Variants in CHODL observed in about 807,000 individuals in gnomAD.
CHODL encodes chondrolectin.
Under a neutral mutation model 34.5 loss-of-function variants are expected in CHODL, and 29 were observed. That is an observed-to-expected ratio of 0.84 (90% CI 0.63 to 1.15). The LOEUF (loss-of-function observed/expected upper bound fraction) is 1.15. Among genes scored for constraint, CHODL ranks in the 50% most tolerant of loss-of-function variants. CHODL has a pLI of 0.00. For missense variants in CHODL, 332 were observed against 332.5 expected, an observed-to-expected ratio of 1.00 and a Z score of 0.01; for synonymous variants, 125 against 116.1, an observed-to-expected ratio of 1.08 and a Z score of -0.49.
upstream of CHODL, among the ~76,000 whole-genome samples, chr21:18,240,579 ATT>A (rs1486387880): frequency 6.6e-6 from 1 of 152,144 alleles, no homozygotes; most frequent in Non-Finnish European, 1.5e-5. Flanking sequence ...TAGCTTACAC[ATT>A]TTTTGTTTGA....
At chr21:18,091,620 AC>A (rs911765530) in intron 2 of CHODL, among the ~76,000 whole-genome samples, 2 of 152,146 alleles carry the variant, frequency 1.3e-5, no homozygotes, top group African/African-American at 2.4e-5. Context: ...CACCTCAACC[AC>A]AGTGAGGTAG....
At chr21:17,971,122 C>T (rs1600844791) in intron 1 of CHODL, among the ~76,000 whole-genome samples, 1 of 152,142 alleles carries the variant, frequency 6.6e-6, no homozygotes, top group East Asian at 1.9e-4. Context: ...TTTTCTTTAT[C>T]CAGTCTATCA....
chr21:18,247,996 A>T (rs2074163467), intron 1 of CHODL, among the ~76,000 whole-genome samples: 1 of 151,338 alleles, frequency 6.6e-6, no homozygotes, highest in Non-Finnish European at 1.5e-5. Context: ...AAGTGTTTTG[A>T]AGTAATGTGT....
At chr21:18,155,767 T>C (rs2073026875) in intron 2 of CHODL, among the ~76,000 whole-genome samples, 1 of 152,202 alleles carries the variant, frequency 6.6e-6, no homozygotes, top group Non-Finnish European at 1.5e-5. Context: ...GAATGTTGTT[T>C]TGAAAGGGAG....
At chr21:18,238,734 T>C (rs2074053407) in intron 2 of CHODL, among the ~76,000 whole-genome samples, 1 of 152,118 alleles carries the variant, frequency 6.6e-6, no homozygotes, top group African/African-American at 2.4e-5. Flanking sequence ...CACAAGTAAA[T>C]GAGTCTCAGC....
chr21:18,248,366 ATGATGACAG>A (rs1372824516), intron 1 of CHODL, among the ~76,000 whole-genome samples: 3 of 151,546 alleles, frequency 2.0e-5, no homozygotes, highest in African/African-American at 7.3e-5. Flanking sequence ...AAAGCATAAA[ATGATGACAG>A]TGCAGTTTTC....
intron 2 of CHODL, among the ~76,000 whole-genome samples, chr21:18,125,758 T>C (rs988185019): frequency 2.0e-5 from 3 of 151,748 alleles, no homozygotes; most frequent in Non-Finnish European, 4.4e-5. Flanking sequence ...AATTTAAAGA[T>C]TAAAAAAACC....
chr21:18,074,178 A>G (rs929750102), intron 2 of CHODL, among the ~76,000 whole-genome samples: 51 of 152,182 alleles, frequency 3.4e-4, no homozygotes, highest in Non-Finnish European at 4.3e-4. Context: ...TGATTGAGTG[A>G]TGGAAAAGAT....
At position 18,090,026 on chromosome 21, in the gene CHODL, C is replaced by T. The variant is rs75625061; in HGVS notation, c.-45+62055C>T. Among the ~76,000 whole-genome samples the T allele has an allele frequency of 8.1e-3, 1,227 of 152,244 alleles. 22 individuals are homozygous for T. The highest frequency in any genetic ancestry group is 0.028 in the African/African-American group (1,169 of 41,546). On this transcript the variant is annotated intron_variant, in intron 2 of 6. Coordinates refer to the CHODL transcript ENST00000400127. ...TGATGAAAGTACTCAACAACTGATA[C>T]AATAAACAATATTAATTAGTCAGCT...
intron 2 of CHODL, among the ~76,000 whole-genome samples, chr21:18,171,198 G>GTTGTTTTTTTTTTT: frequency 2.7e-5 from 1 of 37,066 alleles, no homozygotes; most frequent in Admixed American, 6.5e-4. Flanking sequence ...GTTTTCTTTA[G>GTTGTTTTTTTTTTT]TTTTTTTTTT....
intron 1 of CHODL, among the ~76,000 whole-genome samples, chr21:18,024,017 A>G (rs2064151398): frequency 2.0e-5 from 3 of 152,176 alleles, no homozygotes; most frequent in Non-Finnish European, 4.4e-5. Context: ...TTTACAATGT[A>G]TTTGTTTACT....
At chr21:18,220,963 T>A (rs1218926040) in intron 2 of CHODL, among the ~76,000 whole-genome samples, 1 of 152,158 alleles carries the variant, frequency 6.6e-6, no homozygotes, top group Non-Finnish European at 1.5e-5. Flanking sequence ...TTTTCAGCCA[T>A]TATTTTGTTA....
At chr21:18,057,156 C>G (rs1393286507) in intron 2 of CHODL, among the ~76,000 whole-genome samples, 1 of 152,038 alleles carries the variant, frequency 6.6e-6, no homozygotes, top group Non-Finnish European at 1.5e-5. Context: ...GATCCTGATT[C>G]CAGCATTCTG....
intron 2 of CHODL, among the ~76,000 whole-genome samples, chr21:18,172,664 G>C (rs1202045274): frequency 6.6e-6 from 1 of 151,992 alleles, no homozygotes; most frequent in Non-Finnish European, 1.5e-5. Context: ...ATTTTTACTA[G>C]TGTTCTTATC....
chr21:18,076,982 T>C (rs1388476428), intron 2 of CHODL, among the ~76,000 whole-genome samples: 1 of 152,164 alleles, frequency 6.6e-6, no homozygotes, highest in East Asian at 1.9e-4. Flanking sequence ...ATTAGGGTTG[T>C]TTGGAACCTT....
intron 2 of CHODL, among the ~76,000 whole-genome samples, chr21:18,205,150 T>G (rs1382668870): frequency 1.3e-5 from 2 of 152,208 alleles, no homozygotes; most frequent in African/African-American, 4.8e-5. Flanking sequence ...AAAGTGGGCC[T>G]CCTTGTGGTG....
At chr21:18,052,079 A>G (rs532327049) in intron 2 of CHODL, among the ~76,000 whole-genome samples, 2 of 151,996 alleles carry the variant, frequency 1.3e-5, no homozygotes, top group East Asian at 3.9e-4. Context: ...GAAGGATTCT[A>G]TTTTCAGTGT....
chr21:18,217,682 T>G (rs567348313), intron 2 of CHODL, among the ~76,000 whole-genome samples: 1 of 152,246 alleles, frequency 6.6e-6, no homozygotes, highest in Admixed American at 6.5e-5. Flanking sequence ...AAGTCTTAAC[T>G]TATTCCAGCA....
intron 2 of CHODL, among the ~76,000 whole-genome samples, chr21:18,040,498 T>C (rs1399727942): frequency 6.6e-6 from 1 of 151,894 alleles, no homozygotes; most frequent in African/African-American, 2.4e-5. Context: ...TATGGTGAGC[T>C]GATGCTAATT....
Sources: gnomAD v4.1 joint callset for allele counts (sites outside exome capture counted in the v4.1 genomes callset) on GRCh38, gnomAD v4.1.1 for gene constraint, MANE v1.5 for transcripts, NCBI Gene and HGNC (gene_info 2026-07-23, HGNC 2026-07-21) for gene names.